The following SCAP variants were observed in gnomAD, a reference collection of about 807,000 sequenced individuals.
The protein encoded by SCAP is sterol regulatory element-binding protein cleavage-activating protein.
Under a neutral mutation model 123.6 loss-of-function variants are expected in SCAP, and 65 were observed. The ratio of observed to expected loss-of-function variants is 0.53; its 90% CI spans 0.43 to 0.65. The LOEUF (loss-of-function observed/expected upper bound fraction) is 0.65. SCAP is among the 30% of genes least tolerant of loss of function. SCAP has a pLI of 0.00. For synonymous variants in SCAP, 740 were observed against 726.3 expected (o/e 1.02, Z -0.30); for missense variants, 1,398 against 1,712.5 (o/e 0.82, Z 3.24).
intron 1 of SCAP, among the ~76,000 whole-genome samples, chr3:47,474,797 C>CAAAA (rs1184851067): frequency 6.6e-6 from 1 of 151,912 alleles, no homozygotes; most frequent in African/African-American, 2.4e-5. Flanking sequence ...ACCCTGTCTC[C>CAAAA]AAACAAACAA....
In SCAP at chr3:47,416,410, G is replaced by A. The variant is rs1705573062; in HGVS notation, c.3056+712C>T. 2.6e-5 allele frequency among the ~76,000 whole-genome samples: 4 copies of A among 152,348 alleles called. No homozygotes were observed. In the South Asian group the frequency reaches 6.2e-4, roughly 24 times the overall value. ...AACAGCTGCCAGCGGCCAAGGAGAA[G>A]AGAGGGTTCTGCAAGCGCACTCTGT... On this transcript the variant is annotated intron_variant, in intron 18 of 22. Transcript: ENST00000265565.
At chr3:47,465,168 CTTTT>C (rs796601479) in intron 1 of SCAP, among the ~76,000 whole-genome samples, 1 of 145,858 alleles carries the variant, frequency 6.9e-6, no homozygotes, top group African/African-American at 2.5e-5. Flanking sequence ...AGATGATATT[CTTTT>C]TTTTTTTTCT....
chr3:47,459,749 C>A (rs1194245274), intron 1 of SCAP, among the ~76,000 whole-genome samples: 1 of 152,168 alleles, frequency 6.6e-6, no homozygotes, highest in Non-Finnish European at 1.5e-5. Flanking sequence ...GGTCTATGTT[C>A]AGCTGTGCAC....
intron 1 of SCAP, among the ~76,000 whole-genome samples, chr3:47,443,754 C>T (rs530278569): frequency 2.6e-5 from 4 of 152,264 alleles, no homozygotes; most frequent in Admixed American, 1.3e-4. Context: ...GCCCAGTACC[C>T]GTCCCCTTCC....
intron 1 of SCAP, among the ~76,000 whole-genome samples, chr3:47,473,380 AGAC>A (rs1708144347): frequency 6.6e-6 from 1 of 152,168 alleles, no homozygotes; most frequent in African/African-American, 2.4e-5. Context: ...GAGTGGCAAA[AGAC>A]GACACCTGAA....
At chr3:47,414,691 T>C in intron 20 of SCAP, 39 bp from the exon 21 acceptor site, 1 of 1,612,528 alleles carries the variant, frequency 6.2e-7, no homozygotes, top group Non-Finnish European at 8.5e-7. Context: ...GTCTCTGGGA[T>C]TTTCCAAGTT....
intron 1 of SCAP, among the ~76,000 whole-genome samples, chr3:47,458,204 G>A (rs549070843): frequency 4.6e-5 from 7 of 152,098 alleles, no homozygotes; most frequent in South Asian, 2.1e-4. Flanking sequence ...AGGCCAAGGC[G>A]GGTGGATCAC....
At chr3:47,438,519 A>G (rs905772797) in intron 2 of SCAP, among the ~76,000 whole-genome samples, 1 of 152,230 alleles carries the variant, frequency 6.6e-6, no homozygotes, top group African/African-American at 2.4e-5. Flanking sequence ...TCACTTAAAA[A>G]AAAGTTAATT....
At chr3:47,422,584 G>A (rs1032520554) in intron 9 of SCAP, 48 bp from the exon 10 acceptor site, 8 of 1,471,520 alleles carry the variant, frequency 5.4e-6, no homozygotes, top group East Asian at 4.8e-5. Flanking sequence ...GCCACTCTGC[G>A]ACATGACTCA....
intron 1 of SCAP, among the ~76,000 whole-genome samples, chr3:47,457,103 G>A (rs1707456070): frequency 6.6e-6 from 1 of 152,176 alleles, no homozygotes; most frequent in South Asian, 2.1e-4. Flanking sequence ...CTACTTTCAT[G>A]TAAGAGAACA....
intron 18 of SCAP, 27 bp downstream of exon 18, chr3:47,417,095 T>A (rs1442397267): frequency 6.2e-7 from 1 of 1,607,032 alleles, no homozygotes; most frequent in Non-Finnish European, 8.5e-7. Context: ...GCTGGGGACA[T>A]CTGGGGCTGA....
chr3:47,430,214 G>A (rs1364497989), intron 3 of SCAP, among the ~76,000 whole-genome samples: 2 of 152,196 alleles, frequency 1.3e-5, no homozygotes, highest in Non-Finnish European at 2.9e-5. Flanking sequence ...CATTGTGCCT[G>A]CCTAGAGCTT....
chr3:47,461,048 C>A (rs574576628), intron 1 of SCAP, among the ~76,000 whole-genome samples: 102 of 152,246 alleles, frequency 6.7e-4, no homozygotes, highest in Non-Finnish European at 9.0e-4. Context: ...CCCCTTCCAC[C>A]ACCTTATCTC....
chr3:47,423,499 T>TCCTC (rs1049862426), intron 9 of SCAP, among the ~76,000 whole-genome samples: 1 of 152,176 alleles, frequency 6.6e-6, no homozygotes, highest in Admixed American at 6.5e-5. Flanking sequence ...GCTCAAGCAA[T>TCCTC]CCTCCCACCT....
At chr3:47,469,778 T>C (rs1258896981) in intron 1 of SCAP, 4 of 525,756 alleles carry the variant, frequency 7.6e-6, no homozygotes, top group South Asian at 1.5e-5. Flanking sequence ...GTGGAACTTA[T>C]ATTCATTGCT....
intron 1 of SCAP, among the ~76,000 whole-genome samples, chr3:47,455,924 T>C (rs1707407473): frequency 6.6e-6 from 1 of 152,146 alleles, no homozygotes; most frequent in Non-Finnish European, 1.5e-5. Context: ...TCCTAACACA[T>C]AAATACACAG....
At chr3:47,464,348 T>G (rs1257116613) in intron 1 of SCAP, among the ~76,000 whole-genome samples, 1 of 151,056 alleles carries the variant, frequency 6.6e-6, no homozygotes, top group African/African-American at 2.4e-5. Flanking sequence ...AGGGTCTCAC[T>G]ATGTTGCCCA....
rs781246250 is a variant in SCAP at position 47,417,212 on chromosome 3, G to A, written c.2971-5C>T. The A allele has an allele frequency of 9.3e-6, 15 of 1,612,734 alleles. No individual in the cohort carries two copies. In the Admixed American group the frequency reaches 1.2e-4, roughly 13 times the overall value. ...CCCTTCAATGGCGTCCCACACCTACGAGTCCAGAGGCTGTGAGCACCTGCC... is the reference window on the plus strand; with the variant it reads ...CCCTTCAATGGCGTCCCACACCTACAAGTCCAGAGGCTGTGAGCACCTGCC... On this transcript the variant is annotated splice_region_variant and splice_polypyrimidine_tract_variant and intron_variant, in intron 17 of 22. Coordinates refer to ENST00000265565, the MANE Select transcript of SCAP (RefSeq NM_012235.4).
intron 3 of SCAP, among the ~76,000 whole-genome samples, chr3:47,433,688 G>A (rs1706456531): frequency 6.6e-6 from 1 of 152,040 alleles, no homozygotes; most frequent in African/African-American, 2.4e-5. Context: ...CCAACATGGT[G>A]AAACCCCACC....
Sources: gnomAD v4.1 joint callset for allele counts (sites outside exome capture counted in the v4.1 genomes callset) on GRCh38, gnomAD v4.1.1 for gene constraint, MANE v1.5 for transcripts, NCBI Gene and HGNC (gene_info 2026-07-23, HGNC 2026-07-21) for gene names.